Variants in PI15 observed in about 807,000 individuals in gnomAD.
PI15 encodes 25 kDa trypsin inhibitor.
Under a neutral mutation model 31.0 loss-of-function variants are expected in PI15, and 18 were observed. The observed-to-expected ratio is 0.58, with a 90% CI of 0.40 to 0.86. PI15 has a LOEUF of 0.86. Ranked by LOEUF, PI15 falls within the 40% of genes least tolerant of loss-of-function variation. PI15 has a pLI of 0.00. For synonymous variants in PI15, 118 were observed against 119.1 expected, an observed-to-expected ratio of 0.99 and a Z score of 0.06; for missense variants, 282 against 328.1, an observed-to-expected ratio of 0.86 and a Z score of 1.09.
chr8:74,825,653 A>G lies in PI15; in HGVS notation c.273+131A>G, dbSNP rs949798981. 2.8e-5 allele frequency: 20 copies of G among 713,882 alleles called. No individual in the cohort carries two copies. The East Asian group carries it at 5.4e-4, about 19-fold the overall frequency. 44.2% of individuals were successfully genotyped at this position (713,882 alleles called of 1,614,324 possible). On this transcript the variant is annotated intron_variant, in intron 2 of 5. Transcript: ENST00000260113. ...TGGACTTTTTACATATTTTAACCTA[A>G]GGTTCTTATGTGCCTAATAATGTTG...
chr8:74,843,284 C>A (rs907966118), intron 2 of PI15, among the ~76,000 whole-genome samples: 2 of 152,144 alleles, frequency 1.3e-5, no homozygotes, highest in Admixed American at 1.3e-4. Context: ...CTTTTCTTTA[C>A]TAAAACTGAT....
Position 74,849,211 on chromosome 8 carries a change from T to G in PI15, c.735T>G (p.Cys245Trp). 1 of 1,613,064 alleles carries G rather than the reference T, an allele frequency of 6.2e-7. No individual in the cohort carries two copies. The change falls in exon 6 of 6, where the codon TGT becomes TGG. Residue 245 changes from cysteine (C) to tryptophan (W), a missense_variant. Cys to Trp is a radical substitution (Grantham distance 215). Coordinates refer to ENST00000260113, the MANE Select transcript of PI15 (RefSeq NM_015886.5). ...GGGGATCTTGTACTGACAATCTGTG[T>G]TTTCCAGGAGTTACGTCAAACTACC... ...SYGGSCTDNL[C>W]FPGVTSNYLY...
At chr8:74,837,527 C>A (rs73689276) in intron 2 of PI15, among the ~76,000 whole-genome samples, 5 of 152,054 alleles carry the variant, frequency 3.3e-5, no homozygotes, top group Non-Finnish European at 5.9e-5. Flanking sequence ...CACAATCATG[C>A]CTATGAAGTG....
chr8:74,837,055 TAC>T (rs1810882661), intron 2 of PI15, among the ~76,000 whole-genome samples: 1 of 152,164 alleles, frequency 6.6e-6, no homozygotes, highest in African/African-American at 2.4e-5. Flanking sequence ...CTAAAAATAG[TAC>T]ACCTTACACC....
At chr8:74,833,550 A>G (rs1810818469) in intron 2 of PI15, among the ~76,000 whole-genome samples, 1 of 152,008 alleles carries the variant, frequency 6.6e-6, no homozygotes, top group African/African-American at 2.4e-5. Context: ...TCAAAAGTGC[A>G]CCTCACTGCT....
At position 74,834,152 on chromosome 8, in the gene PI15, C is replaced by A. The variant is rs1226338621; in HGVS notation, c.273+8630C>A. On this transcript the variant is annotated intron_variant, in intron 2 of 5. Coordinates refer to ENST00000260113, the MANE Select transcript of PI15 (RefSeq NM_015886.5). The stretch of plus-strand genomic sequence containing the variant: ...TTTCTTCCACAAAACGTTCCTGGTG[C>A]CAAAACCACTGGGGAGCACTGCTTT... 3.3e-5 allele frequency among the ~76,000 whole-genome samples: 5 copies of A among 152,134 alleles called. No homozygotes were observed. The East Asian group carries it at 9.6e-4, about 29-fold the overall frequency.
intron 5 of PI15, among the ~76,000 whole-genome samples, chr8:74,846,818 G>A (rs1174648129): frequency 1.3e-5 from 2 of 151,654 alleles, no homozygotes; most frequent in Non-Finnish European, 2.9e-5. Context: ...GAGAGGAGGA[G>A]GAATGGAAGG....
chr8:74,845,039 C>T (rs943659311), intron 3 of PI15, 89 bp from the exon 4 acceptor site: 1 of 1,138,140 alleles, frequency 8.8e-7, no homozygotes, highest in African/African-American at 1.5e-5. Context: ...GAATAATCTG[C>T]AAAAAGAACA....
intron 2 of PI15, among the ~76,000 whole-genome samples, chr8:74,842,739 C>A (rs1349768054): frequency 1.3e-5 from 2 of 152,106 alleles, no homozygotes; most frequent in South Asian, 2.1e-4. Flanking sequence ...TATGTTAAAT[C>A]CACGGCTCAT....
intron 2 of PI15, among the ~76,000 whole-genome samples, chr8:74,834,162 TG>T (rs1442564294): frequency 1.3e-5 from 2 of 152,148 alleles, no homozygotes; most frequent in Non-Finnish European, 2.9e-5. Context: ...CCAAAACCAC[TG>T]GGGAGCACTG....
Position 74,854,316 on chromosome 8 carries a change from TC to T in PI15, c.*5064del, listed in dbSNP as rs1811149802. 6.6e-6 allele frequency: 1 copy of T among 152,064 alleles called. No homozygotes were observed. Among genetic ancestry groups the T allele is most frequent in the Non-Finnish European group, 1.5e-5 (1 of 67,924 alleles). The allele number at this position is 152,064 out of a possible 1,614,324, so 9.4% of individuals were successfully genotyped here. On this transcript the variant is annotated 3_prime_UTR_variant, in exon 6 of 6. Transcript: ENST00000260113. ...TGAAGCACTTTCCAAATTGATACTT[TC>T]AAACTTATTTTAAAGCAGTAGAACC...
At chr8:74,843,882 A>G (rs1455925756) in intron 2 of PI15, 99 bp from the exon 3 acceptor site, 1 of 751,642 alleles carries the variant, frequency 1.3e-6, no homozygotes, top group Non-Finnish European at 2.4e-6. Flanking sequence ...ACAAACAGAC[A>G]AACAATAACT....
At position 74,849,313 on chromosome 8, in the gene PI15, A is replaced by G. The variant is rs937963495; in HGVS notation, c.*60A>G. The G allele has an allele frequency of 3.8e-6, 5 of 1,310,822 alleles. No homozygotes were observed. The African/African-American group carries it at 4.5e-5, about 12-fold the overall frequency. The allele number at this position is 1,310,822 out of a possible 1,614,324, so 81.2% of individuals were successfully genotyped here. A position where few individuals can be genotyped will look rare whatever the true frequency, so the allele number is the denominator to read the frequency against. On this transcript the variant is annotated 3_prime_UTR_variant, in exon 6 of 6. Coordinates refer to ENST00000260113, the MANE Select transcript of PI15 (RefSeq NM_015886.5). ...TGGGAACATGGGCATGTATATATAT[A>G]TATGGAGAGAGAATTTTGCACATAT...
intron 2 of PI15, among the ~76,000 whole-genome samples, chr8:74,839,844 C>G (rs1440218887): frequency 2.6e-5 from 4 of 151,854 alleles, no homozygotes; most frequent in African/African-American, 9.7e-5. Context: ...TAAATAAATG[C>G]TACAAACACT....
At position 74,827,445 on chromosome 8, in the gene PI15, C is replaced by T. The variant is rs76177743; in HGVS notation, c.273+1923C>T. The stretch of plus-strand genomic sequence containing the variant: ...CCACATGCATTTATTTAATTGCTTC[C>T]GTATGCCAAGGACTTGACTAATTGT... On this transcript the variant is annotated intron_variant, in intron 2 of 5. Coordinates refer to ENST00000260113, the MANE Select transcript of PI15 (RefSeq NM_015886.5). Among the ~76,000 whole-genome samples the T allele has an allele frequency of 2.4e-3, 369 of 152,194 alleles. 1 individual carries two copies. The highest frequency in any genetic ancestry group is 4.0e-3 in the Non-Finnish European group (273 of 67,994).
At position 74,844,881 on chromosome 8, in the gene PI15, T is replaced by A. The variant is rs890302560; in HGVS notation, c.393-247T>A. On this transcript the variant is annotated intron_variant, in intron 3 of 5. Transcript: ENST00000260113. ...CCTGAAATTATTTGCATTTTCTTCGTGGAATGACCAGACACATGTTTAGAC... is the reference window on the plus strand; with the variant it reads ...CCTGAAATTATTTGCATTTTCTTCGAGGAATGACCAGACACATGTTTAGAC... 1.0e-4 allele frequency: 45 copies of A among 430,532 alleles called. No homozygotes were observed. In the Middle Eastern group the frequency reaches 3.8e-3, roughly 36 times the overall value. 26.7% of individuals were successfully genotyped at this position (430,532 alleles called of 1,614,324 possible). A position where few individuals can be genotyped will look rare whatever the true frequency, so the allele number is the denominator to read the frequency against.
intron 2 of PI15, among the ~76,000 whole-genome samples, chr8:74,835,885 C>T (rs1810865943): frequency 6.6e-6 from 1 of 152,112 alleles, no homozygotes; most frequent in Non-Finnish European, 1.5e-5. Context: ...TTCATGTATT[C>T]CTTCATTAAT....
At chr8:74,834,299 AT>A (rs1457404817) in intron 2 of PI15, among the ~76,000 whole-genome samples, 140 of 152,296 alleles carry the variant, frequency 9.2e-4, no homozygotes, top group Middle Eastern at 3.4e-3. Flanking sequence ...GTTAGAAAGA[AT>A]TTCTTCATGT....
chr8:74,831,148 C>T (rs1168529329), intron 2 of PI15, among the ~76,000 whole-genome samples: 1 of 152,148 alleles, frequency 6.6e-6, no homozygotes, highest in African/African-American at 2.4e-5. Context: ...TTGTTTGTCA[C>T]CATTTTCAAT....
Sources: allele counts gnomAD v4.1 joint callset (sites outside exome capture counted in the v4.1 genomes callset), GRCh38; gene constraint gnomAD v4.1.1; transcripts MANE v1.5; gene names NCBI Gene and HGNC (gene_info 2026-07-23, HGNC 2026-07-21).